Variants in CTSB observed in about 807,000 individuals in gnomAD.
CTSB encodes APP secretase.
Under a neutral mutation model 44.3 loss-of-function variants are expected in CTSB, and 57 were observed. The observed-to-expected ratio is 1.29, with a 90% CI of 1.04 to 1.60. CTSB has a LOEUF of 1.60. Among genes scored for constraint, CTSB ranks in the 40% most tolerant of loss-of-function variants. The probability of loss-of-function intolerance (pLI) is 0.00; values close to 1 mark genes in which losing one functional copy is unlikely to be tolerated. For synonymous variants in CTSB, 320 were observed against 168.0 expected, an observed-to-expected ratio of 1.91 and a Z score of -7.00; for missense variants, 768 against 443.0, an observed-to-expected ratio of 1.73 and a Z score of -6.59.
rs1813223102 is a variant in CTSB, at chr8:11,845,865, G to T, written c.794-76C>A. ...CCCACAGCACCCCCCACACTCAGCT[G>T]GTCATGCTCCGGGAAGGAGAAACAG... is the stretch of plus-strand genomic sequence containing the variant. On this transcript the variant is annotated intron_variant, in intron 8 of 9. Transcript: ENST00000353047. The T allele has an allele frequency of 2.0e-6, 3 of 1,472,512 alleles. No homozygotes were observed. In the African/African-American group the frequency reaches 4.2e-5, roughly 21 times the overall value. 91.2% of individuals were successfully genotyped at this position (1,472,512 alleles called of 1,614,324 possible).
chr8:11,857,517 G>C lies in CTSB; in HGVS notation c.-25-4038C>G, dbSNP rs145913383. Among the ~76,000 whole-genome samples, 4 of 152,232 alleles carry C rather than the reference G, an allele frequency of 2.6e-5. No individual in the cohort carries two copies. The East Asian group carries it at 5.8e-4, about 22-fold the overall frequency. On this transcript the variant is annotated intron_variant, in intron 1 of 9. Transcript: ENST00000353047. ...TATTTTAAATAATAAGCCAAGTCGA[G>C]GATGGGAGCGTTTCCATGGCAACTT...
intron 7 of CTSB, 119 bp from the exon 8 acceptor site, chr8:11,847,287 T>C (rs374578707): frequency 8.4e-6 from 6 of 713,482 alleles, no homozygotes; most frequent in African/African-American, 7.0e-5. Flanking sequence ...CTAAGGGGAC[T>C]TGCCCTGCCA....
At chr8:11,865,674 G>T (rs1029668754) in intron 1 of CTSB, 1 of 151,330 alleles carries the variant, frequency 6.6e-6, no homozygotes, top group East Asian at 1.9e-4. Flanking sequence ...TCGAAAGGAC[G>T]GTATGTTACT....
chr8:11,844,853 G>C lies in CTSB; in HGVS notation c.*272C>G. ...TGGATGGATCACGGAGGGGGCCACAGTCAGCTGGGGCAGCAGGTACTCCCT... is the reference window on the plus strand; with the variant it reads ...TGGATGGATCACGGAGGGGGCCACACTCAGCTGGGGCAGCAGGTACTCCCT... On this transcript the variant is annotated 3_prime_UTR_variant, in exon 10 of 10. Coordinates refer to ENST00000353047, the MANE Select transcript of CTSB (RefSeq NM_001908.5). 1 of 423,486 alleles carries C rather than the reference G, an allele frequency of 2.4e-6. No homozygotes were observed. Among genetic ancestry groups the C allele is most frequent in the Non-Finnish European group, 4.3e-6 (1 of 233,206 alleles). 26.2% of individuals were successfully genotyped at this position (423,486 alleles called of 1,614,324 possible).
At chr8:11,859,266 C>CT (rs1215121480) in intron 1 of CTSB, among the ~76,000 whole-genome samples, 1 of 152,062 alleles carries the variant, frequency 6.6e-6, no homozygotes, top group African/African-American at 2.4e-5. Flanking sequence ...CCAGGCGACT[C>CT]TATCAACCAG....
chr8:11,847,987 T>A, intron 6 of CTSB, 80 bp downstream of exon 6: 4 of 1,400,286 alleles, frequency 2.9e-6, no homozygotes, highest in Non-Finnish European at 3.0e-6. Flanking sequence ...ACCCCCAGTT[T>A]ATAAAGGCAA....
chr8:11,851,020 C>T (rs1479891670), intron 3 of CTSB, 40 bp from the exon 4 acceptor site: 1 of 1,472,508 alleles, frequency 6.8e-7, no homozygotes, highest in Non-Finnish European at 9.4e-7. Context: ...TCTGATCCCA[C>T]AACTCCCTCC....
At chr8:11,848,020 C>A (rs1483913631) in intron 6 of CTSB, 47 bp downstream of exon 6, 2 of 1,492,548 alleles carry the variant, frequency 1.3e-6, no homozygotes, top group South Asian at 1.2e-5. Context: ...TGGTTAATTG[C>A]TCAAACAATC....
In CTSB at chr8:11,845,562, G is replaced by T. The variant is rs1048684933; in HGVS notation, c.922+99C>A. 26 of 1,451,446 alleles carry T rather than the reference G, an allele frequency of 1.8e-5. 1 individual carries two copies. The Middle Eastern group carries it at 2.5e-3, about 140-fold the overall frequency. 89.9% of individuals were successfully genotyped at this position (1,451,446 alleles called of 1,614,324 possible). On this transcript the variant is annotated intron_variant, in intron 9 of 9. Coordinates refer to ENST00000353047, the MANE Select transcript of CTSB (RefSeq NM_001908.5). ...CTCACAGCCTGGCCGTAGGTCCAGG[G>T]TTTAAGGCTGTGCGGTGGGTAGAAC...
At chr8:11,848,360 T>G in intron 5 of CTSB, 1 of 674,394 alleles carries the variant, frequency 1.5e-6, no homozygotes. Context: ...GCCCCACCCC[T>G]GCCCACAAAG....
intron 8 of CTSB, 116 bp from the exon 9 acceptor site, chr8:11,845,905 C>T: frequency 4.6e-6 from 6 of 1,305,210 alleles, no homozygotes; most frequent in South Asian, 3.4e-5. Context: ...CAGAGGGAAC[C>T]TGCTGCTCCA....
At chr8:11,849,494 G>C in intron 4 of CTSB, 1 of 194,468 alleles carries the variant, frequency 5.1e-6, no homozygotes, top group Non-Finnish European at 1.1e-5. Context: ...AGCAAGAGAA[G>C]CACCCCCGTG....
At chr8:11,850,489 G>C (rs1814382210) in intron 4 of CTSB, 1 of 154,916 alleles carries the variant, frequency 6.5e-6, no homozygotes, top group African/African-American at 2.4e-5. Context: ...TTACATTTCT[G>C]TTACGTGTAT....
rs534803224 is a variant in CTSB, at chr8:11,849,206, G to C, written c.328-42C>G. ...CACCGGGTGAGGCTGCCATGTCCGGGCTGGGCCCTCTGCAGCAGTCCCCTC... is the reference window on the plus strand; with the variant it reads ...CACCGGGTGAGGCTGCCATGTCCGGCCTGGGCCCTCTGCAGCAGTCCCCTC... On this transcript the variant is annotated intron_variant, in intron 4 of 9. Coordinates refer to ENST00000353047, the MANE Select transcript of CTSB (RefSeq NM_001908.5). The C allele has an allele frequency of 1.2e-5, 18 of 1,555,480 alleles. No individual in the cohort carries two copies. The Admixed American group carries it at 1.2e-4, about 10-fold the overall frequency.
chr8:11,848,505 T>A, intron 5 of CTSB: 1 of 388,864 alleles, frequency 2.6e-6, no homozygotes, highest in Non-Finnish European at 5.0e-6. Context: ...CACCACCAGT[T>A]CTCTGAAATG....
chr8:11,848,382 G>A (rs1298815545), intron 5 of CTSB: 54 of 657,182 alleles, frequency 8.2e-5, no homozygotes, highest in Non-Finnish European at 1.3e-4. Context: ...TCCGGGAGAA[G>A]ACAGGAGGCT....
rs565374012 is a variant in CTSB, at chr8:11,857,659, C to G, written c.-25-4180G>C. On this transcript the variant is annotated intron_variant, in intron 1 of 9. Coordinates refer to ENST00000353047, the MANE Select transcript of CTSB (RefSeq NM_001908.5). ...CCTGCCGTGGCCATTCCCTGGAGTC[C>G]CACAGGGCCCCCTCGCCACTTCACT... Among the ~76,000 whole-genome samples the G allele has an allele frequency of 2.0e-5, 3 of 152,260 alleles. No homozygotes were observed. The South Asian group carries it at 6.2e-4, about 32-fold the overall frequency.
Position 11,845,521 on chromosome 8 carries a change from T to G in CTSB, c.922+140A>C. 3.9e-6 allele frequency: 4 copies of G among 1,031,984 alleles called. No individual in the cohort carries two copies. The South Asian group carries it at 6.7e-5, about 17-fold the overall frequency. 63.9% of individuals were successfully genotyped at this position (1,031,984 alleles called of 1,614,324 possible). ...CAGCAAAAGGGAACTCCTGACTGCC[T>G]GGCACTTAGGAGGAGCTCACAGCCT... On this transcript the variant is annotated intron_variant, in intron 9 of 9. Coordinates refer to ENST00000353047, the MANE Select transcript of CTSB (RefSeq NM_001908.5).
chr8:11,861,390 T>G (rs1816391943), intron 1 of CTSB: 1 of 152,394 alleles, frequency 6.6e-6, no homozygotes, highest in Non-Finnish European at 1.5e-5. Context: ...CACAGGTCCT[T>G]CCCCGTGCTG....
Sources: gnomAD v4.1 joint callset for allele counts (sites outside exome capture counted in the v4.1 genomes callset) on GRCh38, gnomAD v4.1.1 for gene constraint, MANE v1.5 for transcripts, NCBI Gene and HGNC (gene_info 2026-07-23, HGNC 2026-07-21) for gene names.